RASSF6: variants seen among roughly 807,000 people sequenced by gnomAD.
RASSF6 encodes Ras association domain family member 6.
A neutral mutation model predicts 44.0 loss-of-function variants in RASSF6; 52 were observed. The observed-to-expected ratio is 1.18, with a 90% CI of 0.95 to 1.49. The LOEUF is 1.49. Ranked by LOEUF, RASSF6 falls within the 40% of genes most tolerant of loss-of-function variation. RASSF6 has a pLI of 0.00. For synonymous variants in RASSF6, 162 were observed against 124.6 expected (o/e 1.30, Z -2.00); for missense variants, 464 against 393.3 (o/e 1.18, Z -1.52).
Position 73,576,104 on chromosome 4 carries a change from T to G in RASSF6, c.*131A>C. ...TCACTTCAAAAAGAAATGAGCTTTTTTTGACATTCAATTTTCTACGATTCA... is the reference window on the plus strand; with the variant it reads ...TCACTTCAAAAAGAAATGAGCTTTTGTTGACATTCAATTTTCTACGATTCA... On this transcript the variant is annotated 3_prime_UTR_variant, in exon 11 of 11. Coordinates refer to ENST00000307439, the MANE Select transcript of RASSF6 (RefSeq NM_177532.5). 1 of 549,358 alleles carries G rather than the reference T, an allele frequency of 1.8e-6. No homozygotes were observed. The highest frequency in any genetic ancestry group is 3.1e-6 in the Non-Finnish European group (1 of 318,174). The allele number at this position is 549,358 out of a possible 1,614,324, so 34.0% of individuals were successfully genotyped here.
chr4:73,581,932 C>G, intron 7 of RASSF6, 64 bp from the exon 8 acceptor site: 1 of 1,240,316 alleles, frequency 8.1e-7, no homozygotes, highest in Non-Finnish European at 1.2e-6. Flanking sequence ...TCTAACCTGA[C>G]CAGACCCAAA....
chr4:73,611,788 A>C lies in RASSF6; in HGVS notation c.8T>G (p.Met3Arg). The C allele has an allele frequency of 6.2e-7, 1 of 1,611,630 alleles. No homozygotes were observed. The highest frequency in any genetic ancestry group is 8.5e-7 in the Non-Finnish European group (1 of 1,178,154). Residue 3 changes from methionine (M) to arginine (R), a missense_variant, in exon 2 of 11, where the codon ATG becomes AGG. Transcript: ENST00000307439. The stretch of plus-strand genomic sequence containing the variant: ...CCAAGAGGGGTACTGGTGAGCCATC[A>C]TAGTCATCTTTTCCTCCTTTTTGAG... MTMMAHQYPSWIF... is the reference protein window; with the variant it reads MTRMAHQYPSWIF...
intron 8 of RASSF6, among the ~76,000 whole-genome samples, chr4:73,580,699 T>C (rs1723567316): frequency 6.7e-6 from 1 of 148,190 alleles, no homozygotes; most frequent in Admixed American, 6.7e-5. Flanking sequence ...TCATGTCCTT[T>C]GCCCACTTTT....
Position 73,620,374 on chromosome 4 carries a change from G to A in RASSF6, c.-121C>T. 1 of 1,522,930 alleles carries A rather than the reference G, an allele frequency of 6.6e-7. No individual in the cohort carries two copies. The highest frequency in any genetic ancestry group is 2.3e-5 in the Admixed American group (1 of 43,248). 94.3% of individuals were successfully genotyped at this position (1,522,930 alleles called of 1,614,324 possible). Reference sequence around the variant, plus strand: ...TCGCGGTTTGTTCTCGGCTGGGTCAGGAACTCTGGTAGAGGGAAACCAGTG... The same window carrying A: ...TCGCGGTTTGTTCTCGGCTGGGTCAAGAACTCTGGTAGAGGGAAACCAGTG... On this transcript the variant is annotated 5_prime_UTR_variant, in exon 1 of 11. Coordinates refer to ENST00000307439, the MANE Select transcript of RASSF6 (RefSeq NM_177532.5).
chr4:73,586,390 G>A (rs2149372390), intron 5 of RASSF6, among the ~76,000 whole-genome samples: 1 of 151,964 alleles, frequency 6.6e-6, no homozygotes. Context: ...GTGTAGCGTT[G>A]AACAACTCTA....
intron 2 of RASSF6, among the ~76,000 whole-genome samples, chr4:73,606,697 T>C (rs1725665863): frequency 6.6e-6 from 1 of 151,928 alleles, no homozygotes; most frequent in Non-Finnish European, 1.5e-5. Flanking sequence ...CACACAACAG[T>C]AAGCATTATG....
chr4:73,586,071 C>A (rs1011453009), intron 5 of RASSF6, among the ~76,000 whole-genome samples: 1 of 145,084 alleles, frequency 6.9e-6, no homozygotes, highest in Admixed American at 7.2e-5. Context: ...TATAAAACTA[C>A]AGAAAGCTCT....
chr4:73,599,313 T>C (rs1164646656), intron 2 of RASSF6, among the ~76,000 whole-genome samples: 1 of 152,198 alleles, frequency 6.6e-6, no homozygotes, highest in Non-Finnish European at 1.5e-5. Flanking sequence ...AAAGGCTCAT[T>C]GTTACTGTGG....
intron 1 of RASSF6, among the ~76,000 whole-genome samples, chr4:73,616,099 GC>G (rs1343987341): frequency 6.6e-6 from 1 of 152,254 alleles, no homozygotes; most frequent in Admixed American, 6.5e-5. Flanking sequence ...CTGCTACCGT[GC>G]TAGGCACAGA....
In RASSF6 at chr4:73,587,923, C is replaced by G. The variant is rs777372783; in HGVS notation, c.299G>C (p.Trp100Ser). 1 of 1,605,802 alleles carries G rather than the reference C, an allele frequency of 6.2e-7. No homozygotes were observed. Among genetic ancestry groups the G allele is most frequent in the Non-Finnish European group, 8.5e-7 (1 of 1,173,714 alleles). ...DVFSSKGMTR[W>S]GEFDDLYRIS... is the part of the protein sequence containing the mutation. Reference sequence around the variant, plus strand: ...ACGATAGAGATCGTCAAATTCCCCCCAGCGTGTCATTCTGAGAAGTAATAA... The same window carrying G: ...ACGATAGAGATCGTCAAATTCCCCCGAGCGTGTCATTCTGAGAAGTAATAA... Residue 100 changes from tryptophan to serine, a missense_variant, in exon 5 of 11, where the codon TGG (tryptophan) becomes TCG (serine). Physicochemically the swap from Trp to Ser is radical, Grantham distance 177. Transcript: ENST00000307439.
chr4:73,573,545 T>G lies in RASSF6; in HGVS notation c.*2690A>C, dbSNP rs1723029979. ...TTGCAGAATGTCTTTGTATCTCTGG[T>G]TATTTTCATATGATAGGATCTTACA... On this transcript the variant is annotated 3_prime_UTR_variant, in exon 11 of 11. Transcript: ENST00000307439. The G allele has an allele frequency of 6.6e-6, 1 of 152,228 alleles. No individual in the cohort carries two copies. Among genetic ancestry groups the G allele is most frequent in the Non-Finnish European group, 1.5e-5 (1 of 68,036 alleles). The allele number at this position is 152,228 out of a possible 1,614,324, so 9.4% of individuals were successfully genotyped here.
chr4:73,582,896 A>G (rs1578022821), intron 6 of RASSF6, among the ~76,000 whole-genome samples: 1 of 152,098 alleles, frequency 6.6e-6, no homozygotes, highest in African/African-American at 2.4e-5. Flanking sequence ...TATGTAAATA[A>G]GTTTTCTGAG....
chr4:73,581,992 C>G, intron 7 of RASSF6, 124 bp from the exon 8 acceptor site: 1 of 744,606 alleles, frequency 1.3e-6, no homozygotes, highest in East Asian at 2.7e-5. Context: ...ATAAAATCTT[C>G]TCTGCTCTTA....
rs3756068 is a variant in RASSF6, at chr4:73,576,069, A to G, written c.*166T>C. The G allele has an allele frequency of 0.095, 48,836 of 511,452 alleles. 3,678 individuals are homozygous for G. Among genetic ancestry groups the G allele is most frequent in the African/African-American group, 0.28 (14,262 of 50,668 alleles). The allele number at this position is 511,452 out of a possible 1,614,324, so 31.7% of individuals were successfully genotyped here. Reference sequence around the variant, plus strand: ...TCATTTTGTCCAACTGTGAACCCTAATTAACCTCATCACTTCAAAAAGAAA... The same window carrying G: ...TCATTTTGTCCAACTGTGAACCCTAGTTAACCTCATCACTTCAAAAAGAAA... On this transcript the variant is annotated 3_prime_UTR_variant, in exon 11 of 11. Transcript: ENST00000307439.
chr4:73,582,284 T>C lies in RASSF6; in HGVS notation c.574A>G (p.Ile192Val), dbSNP rs772231070. ...NGHFYNHETS[I>V]FIPAFESETK... ...TCTGATTCAAAGGCTGGAATGAAAA[T>C]TGATGTCTAGAAAAAGAATTGTCAC... Residue 192 changes from isoleucine (I) to valine (V), a missense_variant, in exon 7 of 11, where the codon ATT becomes GTT. Transcript: ENST00000307439. 1.3e-6 allele frequency: 2 copies of C among 1,549,732 alleles called. No homozygotes were observed. The highest frequency in any genetic ancestry group is 1.2e-5 in the South Asian group (1 of 86,424).
At chr4:73,617,371 G>GAATA (rs2149402110) in intron 1 of RASSF6, among the ~76,000 whole-genome samples, 1 of 152,320 alleles carries the variant, frequency 6.6e-6, no homozygotes, top group Admixed American at 6.5e-5. Context: ...GGTCAGAGAA[G>GAATA]CAAATTTGTA....
chr4:73,576,524 A>AG lies in RASSF6; in HGVS notation c.841-18dup, dbSNP rs775501588. On this transcript the variant is annotated splice_polypyrimidine_tract_variant and intron_variant, in intron 9 of 10. Transcript: ENST00000307439. The stretch of plus-strand genomic sequence containing the variant: ...CTGAGCCACCTAAGAAAGAAGAAGA[A>AG]GAAAAAAAAAAGAAAGCAGAACAAT... 6.6e-7 allele frequency: 1 copy of AG among 1,512,982 alleles called. No homozygotes were observed. The highest frequency in any genetic ancestry group is 1.2e-5 in the South Asian group (1 of 81,948). 93.7% of individuals were successfully genotyped at this position (1,512,982 alleles called of 1,614,324 possible). A position where few individuals can be genotyped will look rare whatever the true frequency, so the allele number is the denominator to read the frequency against.
At chr4:73,617,258 G>A (rs1209705659) in intron 1 of RASSF6, among the ~76,000 whole-genome samples, 1 of 152,162 alleles carries the variant, frequency 6.6e-6, no homozygotes, top group Non-Finnish European at 1.5e-5. Context: ...AATCTAATTG[G>A]AAATGCCAAA....
chr4:73,615,268 C>T (rs1468038696), intron 1 of RASSF6, among the ~76,000 whole-genome samples: 2 of 151,834 alleles, frequency 1.3e-5, no homozygotes, highest in East Asian at 1.9e-4. Context: ...AGTTTTTCAT[C>T]CTCATCTTCC....
Sources: gnomAD v4.1 joint callset for allele counts (sites outside exome capture counted in the v4.1 genomes callset) on GRCh38, gnomAD v4.1.1 for gene constraint, MANE v1.5 for transcripts, NCBI Gene and HGNC (gene_info 2026-07-23, HGNC 2026-07-21) for gene names.